MDGA2: variants seen among roughly 807,000 people sequenced by gnomAD.
MDGA2 encodes MAM domain-containing glycosylphosphatidylinositol anchor protein 2.
In MDGA2, 40 loss-of-function variants were observed where a neutral mutation model predicts 117.8. The ratio of observed to expected loss-of-function variants is 0.34; its 90% CI spans 0.26 to 0.44. The LOEUF (loss-of-function observed/expected upper bound fraction) is 0.44. Among genes scored for constraint, MDGA2 ranks in the 20% least tolerant of loss-of-function variants. MDGA2 has a pLI of 1.00. For synonymous variants in MDGA2, 452 were observed against 439.0 expected, an observed-to-expected ratio of 1.03 and a Z score of -0.37; for missense variants, 1,123 against 1,250.6, an observed-to-expected ratio of 0.90 and a Z score of 1.54.
intron 1 of MDGA2, among the ~76,000 whole-genome samples, chr14:47,632,766 G>T (rs1406164820): frequency 2.6e-5 from 4 of 151,074 alleles, no homozygotes; most frequent in African/African-American, 9.7e-5. Context: ...TTTTTGAGGG[G>T]GGGGCTCTTC....
chr14:47,053,975 G>A (rs181387960), intron 7 of MDGA2, among the ~76,000 whole-genome samples: 28 of 152,008 alleles, frequency 1.8e-4, no homozygotes, highest in African/African-American at 4.8e-4. Context: ...CTACTAGGAG[G>A]TAAATTTGGG....
intron 8 of MDGA2, among the ~76,000 whole-genome samples, chr14:47,034,729 T>TACACACAC (rs59191576): frequency 8.2e-5 from 12 of 147,158 alleles, no homozygotes; most frequent in African/African-American, 2.8e-4. Flanking sequence ...ATAATTATCA[T>TACACACAC]ACACACACAC....
At chr14:47,370,684 ATATT>A (rs894403076) in intron 1 of MDGA2, among the ~76,000 whole-genome samples, 48 of 151,136 alleles carry the variant, frequency 3.2e-4, no homozygotes, top group African/African-American at 1.1e-3. Flanking sequence ...AGCACAGCTT[ATATT>A]TATTTCTTTT....
intron 7 of MDGA2, 89 bp downstream of exon 7, chr14:47,061,160 A>C: frequency 7.9e-7 from 1 of 1,271,706 alleles, no homozygotes; most frequent in Non-Finnish European, 1.1e-6. Context: ...AAAGGGAAAA[A>C]ATATTTTTAA....
At chr14:47,625,108 G>C (rs1371397688) in intron 1 of MDGA2, among the ~76,000 whole-genome samples, 1 of 152,084 alleles carries the variant, frequency 6.6e-6, no homozygotes, top group Non-Finnish European at 1.5e-5. Flanking sequence ...AGATTGTATA[G>C]GTAGTAAGTG....
chr14:47,654,250 C>T (rs1293365284), intron 1 of MDGA2, among the ~76,000 whole-genome samples: 1 of 151,976 alleles, frequency 6.6e-6, no homozygotes, highest in Non-Finnish European at 1.5e-5. Context: ...AATAAAGAGC[C>T]CTAGAGATAA....
At chr14:47,266,968 T>C (rs1243423311) in intron 2 of MDGA2, among the ~76,000 whole-genome samples, 1 of 152,180 alleles carries the variant, frequency 6.6e-6, no homozygotes, top group African/African-American at 2.4e-5. Context: ...TCAGAAACTA[T>C]GTCTGTCTTA....
chr14:47,424,084 A>G (rs979664762), intron 1 of MDGA2, among the ~76,000 whole-genome samples: 1 of 152,118 alleles, frequency 6.6e-6, no homozygotes, highest in Non-Finnish European at 1.5e-5. Context: ...AAGTGCTAGG[A>G]TTATAGGCAT....
chr14:47,520,437 G>A (rs1894845756), intron 1 of MDGA2, among the ~76,000 whole-genome samples: 1 of 152,116 alleles, frequency 6.6e-6, no homozygotes, highest in Non-Finnish European at 1.5e-5. Context: ...CCCAGAAGAG[G>A]CTGATGTCAA....
At chr14:47,070,333 A>T (rs1479933795) in intron 6 of MDGA2, among the ~76,000 whole-genome samples, 3 of 152,132 alleles carry the variant, frequency 2.0e-5, no homozygotes, top group Non-Finnish European at 1.5e-5. Flanking sequence ...TTGAAAATTT[A>T]GAGAAATTGT....
intron 14 of MDGA2, among the ~76,000 whole-genome samples, chr14:46,864,402 T>C (rs991607480): frequency 1.3e-5 from 2 of 151,386 alleles, no homozygotes; most frequent in African/African-American, 4.8e-5. Flanking sequence ...TTTATGTCTT[T>C]ACATTTTAGT....
intron 1 of MDGA2, among the ~76,000 whole-genome samples, chr14:47,335,086 T>C (rs186002184): frequency 9.9e-5 from 15 of 151,924 alleles, no homozygotes; most frequent in Non-Finnish European, 1.6e-4. Flanking sequence ...ATTTCATTAA[T>C]TTAAAGCTAT....
intron 1 of MDGA2, among the ~76,000 whole-genome samples, chr14:47,603,150 AGTCT>A (rs1896678707): frequency 2.0e-5 from 3 of 152,222 alleles, no homozygotes; most frequent in Non-Finnish European, 4.4e-5. Context: ...GTAACAACAC[AGTCT>A]GTCTGCCAAG....
intron 1 of MDGA2, among the ~76,000 whole-genome samples, chr14:47,307,049 T>TAA (rs1462851315): frequency 6.6e-6 from 1 of 152,186 alleles, no homozygotes; most frequent in East Asian, 1.9e-4. Flanking sequence ...ATCATACGCT[T>TAA]TCATAAAACA....
intron 9 of MDGA2, among the ~76,000 whole-genome samples, chr14:46,930,999 G>A (rs868432902): frequency 6.6e-6 from 1 of 151,872 alleles, no homozygotes; most frequent in Non-Finnish European, 1.5e-5. Context: ...GGCGGATCAC[G>A]AGGTCAAGAG....
intron 8 of MDGA2, among the ~76,000 whole-genome samples, chr14:46,965,768 G>A (rs1566549701): frequency 1.3e-5 from 2 of 151,988 alleles, no homozygotes; most frequent in Non-Finnish European, 2.9e-5. Flanking sequence ...AAATCTTCAG[G>A]TGTTAAAAAA....
chr14:47,260,688 T>C (rs1041358440), intron 2 of MDGA2, among the ~76,000 whole-genome samples: 6 of 152,084 alleles, frequency 3.9e-5, no homozygotes, highest in African/African-American at 1.2e-4. Context: ...GCATCCTTCT[T>C]AGAGTTCTCT....
chr14:46,938,336 C>T (rs185479152), intron 9 of MDGA2, among the ~76,000 whole-genome samples: 1 of 151,472 alleles, frequency 6.6e-6, no homozygotes, highest in African/African-American at 2.4e-5. Context: ...GTCAGGAGTT[C>T]AAGACCAGCC....
At chr14:47,177,213 C>A (rs944925543) in intron 3 of MDGA2, among the ~76,000 whole-genome samples, 1 of 152,124 alleles carries the variant, frequency 6.6e-6, no homozygotes, top group African/African-American at 2.4e-5. Flanking sequence ...GGACTATAAA[C>A]TAGTTCAACC....
Sources: gnomAD v4.1 joint callset for allele counts (sites outside exome capture counted in the v4.1 genomes callset) on GRCh38, gnomAD v4.1.1 for gene constraint, MANE v1.5 for transcripts, NCBI Gene and HGNC (gene_info 2026-07-23, HGNC 2026-07-21) for gene names.